The following CACNG3 variants were observed in gnomAD, a reference collection of about 807,000 sequenced individuals.
CACNG3 encodes voltage-dependent calcium channel gamma-3 subunit.
A neutral mutation model predicts 28.5 loss-of-function variants in CACNG3; 3 were observed. The observed-to-expected ratio is 0.11, with a 90% CI of 0.05 to 0.27. CACNG3 has a LOEUF of 0.27. Ranked by LOEUF, CACNG3 falls within the 10% of genes least tolerant of loss-of-function variation. The pLI is 1.00. For synonymous variants in CACNG3, 174 were observed against 162.2 expected (o/e 1.07, Z -0.55); for missense variants, 236 against 414.4 (o/e 0.57, Z 3.74).
At chr16:24,354,702 C>A in intron 2 of CACNG3, 131 bp from the exon 3 acceptor site, 1 of 879,834 alleles carries the variant, frequency 1.1e-6, no homozygotes, top group Non-Finnish European at 1.8e-6. Flanking sequence ...CGCCTGGTCT[C>A]ATGCCCGTGT....
intron 1 of CACNG3, among the ~76,000 whole-genome samples, chr16:24,297,876 G>T (rs1408442925): frequency 2.0e-5 from 3 of 152,110 alleles, no homozygotes; most frequent in African/African-American, 4.8e-5. Flanking sequence ...TAGTGGCCTT[G>T]AGAAAGGGGG....
intron 1 of CACNG3, among the ~76,000 whole-genome samples, chr16:24,310,869 C>G (rs1379802803): frequency 6.6e-6 from 1 of 152,176 alleles, no homozygotes; most frequent in Non-Finnish European, 1.5e-5. Context: ...AGGAAGTTTT[C>G]TGGGCTCCCC....
intron 1 of CACNG3, among the ~76,000 whole-genome samples, chr16:24,269,777 G>A (rs1250203594): frequency 1.8e-4 from 23 of 129,510 alleles, no homozygotes; most frequent in South Asian, 4.9e-4. Flanking sequence ...AGAGAAAGAA[G>A]AAAGAAAGAA....
intron 1 of CACNG3, among the ~76,000 whole-genome samples, chr16:24,319,568 C>T (rs978904922): frequency 5.3e-5 from 8 of 152,016 alleles, no homozygotes; most frequent in East Asian, 1.9e-4. Flanking sequence ...ACAACAGGGA[C>T]AATAGGCATG....
intron 3 of CACNG3, among the ~76,000 whole-genome samples, chr16:24,358,222 G>A (rs992193486): frequency 2.6e-5 from 4 of 152,358 alleles, no homozygotes; most frequent in Non-Finnish European, 4.4e-5. Context: ...CACCTACTAC[G>A]TGTCAGATAC....
At chr16:24,263,094 G>T (rs1236117862) in intron 1 of CACNG3, among the ~76,000 whole-genome samples, 1 of 152,166 alleles carries the variant, frequency 6.6e-6, no homozygotes, top group Non-Finnish European at 1.5e-5. Flanking sequence ...TTGCTACAAA[G>T]TTAGATATTT....
intron 1 of CACNG3, among the ~76,000 whole-genome samples, chr16:24,342,932 G>A (rs1193540082): frequency 6.6e-6 from 1 of 152,134 alleles, no homozygotes; most frequent in African/African-American, 2.4e-5. Flanking sequence ...GCTCACCCCT[G>A]TAATCCCAGC....
intron 1 of CACNG3, among the ~76,000 whole-genome samples, chr16:24,335,986 G>A (rs1001685009): frequency 7.2e-5 from 11 of 151,852 alleles, no homozygotes; most frequent in South Asian, 2.1e-4. Flanking sequence ...GATTACAGGC[G>A]TCAGCCACTG....
At chr16:24,319,290 A>C (rs1219658809) in intron 1 of CACNG3, among the ~76,000 whole-genome samples, 1 of 152,238 alleles carries the variant, frequency 6.6e-6, no homozygotes, top group Non-Finnish European at 1.5e-5. Flanking sequence ...AGGTTTTTAA[A>C]GGAAAAATCA....
At chr16:24,335,512 G>A (rs960031600) in intron 1 of CACNG3, among the ~76,000 whole-genome samples, 1 of 152,136 alleles carries the variant, frequency 6.6e-6, no homozygotes, top group Non-Finnish European at 1.5e-5. Context: ...GCTAAGCATT[G>A]CTCTAATGCA....
At chr16:24,355,433 A>G (rs1362827372) in intron 3 of CACNG3, among the ~76,000 whole-genome samples, 1 of 152,220 alleles carries the variant, frequency 6.6e-6, no homozygotes, top group South Asian at 2.1e-4. Context: ...TAATTAAAAA[A>G]TTAGCTGGGT....
chr16:24,273,688 T>C (rs1474629253), intron 1 of CACNG3, among the ~76,000 whole-genome samples: 2 of 152,228 alleles, frequency 1.3e-5, no homozygotes, highest in Admixed American at 6.5e-5. Flanking sequence ...GTGGTTTCAA[T>C]GTCACAATCT....
At chr16:24,347,538 G>A (rs1318649042) in intron 2 of CACNG3, among the ~76,000 whole-genome samples, 1 of 152,166 alleles carries the variant, frequency 6.6e-6, no homozygotes, top group Non-Finnish European at 1.5e-5. Context: ...GGTGCTAATG[G>A]CAGAGTGCTA....
intron 2 of CACNG3, among the ~76,000 whole-genome samples, chr16:24,351,696 AAGAG>A (rs1285813470): frequency 3.8e-4 from 53 of 140,150 alleles, no homozygotes; most frequent in African/African-American, 1.3e-3. Context: ...GAAAGAAAGA[AAGAG>A]AAAGAAAGAA....
At chr16:24,283,022 C>T (rs541440553) in intron 1 of CACNG3, among the ~76,000 whole-genome samples, 10 of 152,210 alleles carry the variant, frequency 6.6e-5, no homozygotes, top group Non-Finnish European at 1.5e-4. Context: ...GTGCACACCA[C>T]CATTCCCGGG....
chr16:24,259,638 A>T (rs1361326905), intron 1 of CACNG3, among the ~76,000 whole-genome samples: 2 of 152,206 alleles, frequency 1.3e-5, no homozygotes, highest in Non-Finnish European at 2.9e-5. Flanking sequence ...CAAGGAGAAC[A>T]TGACAGCTGT....
chr16:24,296,754 G>A (rs892677498), intron 1 of CACNG3, among the ~76,000 whole-genome samples: 1 of 152,124 alleles, frequency 6.6e-6, no homozygotes, highest in African/African-American at 2.4e-5. Flanking sequence ...AGAAGAGAGG[G>A]GCTGCTTGAT....
intron 1 of CACNG3, among the ~76,000 whole-genome samples, chr16:24,329,973 G>T (rs1176127964): frequency 1.3e-5 from 2 of 152,120 alleles, no homozygotes; most frequent in African/African-American, 2.4e-5. Context: ...GAGGATGGAG[G>T]TTGCAGTGAG....
intron 1 of CACNG3, among the ~76,000 whole-genome samples, chr16:24,307,547 G>A (rs975587798): frequency 6.6e-6 from 1 of 152,078 alleles, no homozygotes; most frequent in Non-Finnish European, 1.5e-5. Flanking sequence ...CAACATGGGG[G>A]TTCTTCCCAA....
Sources: allele counts gnomAD v4.1 joint callset (sites outside exome capture counted in the v4.1 genomes callset), GRCh38; gene constraint gnomAD v4.1.1; transcripts MANE v1.5; gene names NCBI Gene and HGNC (gene_info 2026-07-23, HGNC 2026-07-21).